SAMD12: variants seen among roughly 807,000 people sequenced by gnomAD.
The protein encoded by SAMD12 is sterile alpha motif domain containing 12, also known as sterile alpha motif domain-containing protein 12.
SAMD12 carries 9 observed loss-of-function variants against 15.0 expected under a neutral mutation model. The observed-to-expected ratio is 0.60, with a 90% CI of 0.36 to 1.05. The LOEUF is 1.05. SAMD12 is among the 50% of genes least tolerant of loss of function. The pLI is 0.01. For synonymous variants in SAMD12, 86 were observed against 90.1 expected, an observed-to-expected ratio of 0.96 and a Z score of 0.25; for missense variants, 230 against 234.2, an observed-to-expected ratio of 0.98 and a Z score of 0.12.
chr8:118,431,711 T>C (rs9643127), intron 3 of SAMD12, among the ~76,000 whole-genome samples: 56 of 151,098 alleles, frequency 3.7e-4, no homozygotes, highest in Non-Finnish European at 7.5e-4. Context: ...TGTGTGTGTG[T>C]GTGTGTGTGT....
At chr8:118,423,855 G>A (rs1424688304) in intron 3 of SAMD12, among the ~76,000 whole-genome samples, 9 of 151,982 alleles carry the variant, frequency 5.9e-5, no homozygotes, top group South Asian at 2.1e-4. Flanking sequence ...AACAATATAC[G>A]AAAAATACTT....
At chr8:118,432,611 C>G (rs555423588) in intron 3 of SAMD12, among the ~76,000 whole-genome samples, 2 of 152,076 alleles carry the variant, frequency 1.3e-5, no homozygotes, top group African/African-American at 2.4e-5. Flanking sequence ...TACAATAGAG[C>G]CTTATCCTAG....
At chr8:118,145,704 T>G in the SAMD12 span, among the ~76,000 whole-genome samples, 1 of 152,256 alleles carries the variant, frequency 6.6e-6, no homozygotes, top group Non-Finnish European at 1.5e-5. Flanking sequence ...AGATATGACA[T>G]CTGTCAAAGG....
At chr8:118,452,276 C>A (rs965215844) in intron 2 of SAMD12, among the ~76,000 whole-genome samples, 6 of 152,164 alleles carry the variant, frequency 3.9e-5, no homozygotes, top group Non-Finnish European at 7.3e-5. Context: ...AACACAGGAG[C>A]AAACTCCAGT....
chr8:118,589,030 A>G (rs1827517242), intron 1 of SAMD12, among the ~76,000 whole-genome samples: 1 of 152,256 alleles, frequency 6.6e-6, no homozygotes, highest in African/African-American at 2.4e-5. Context: ...AGGGTAATTC[A>G]GCAGCATTAA....
rs577880615 is a variant in SAMD12, at chr8:118,305,073, C to T, written c.433+74487G>A. Among the ~76,000 whole-genome samples, 14 of 137,736 alleles carry T rather than the reference C, an allele frequency of 1.0e-4. No homozygotes were observed. The East Asian group carries it at 1.6e-3, about 16-fold the overall frequency. 90.4% of individuals were successfully genotyped at this position (137,736 alleles called of 152,430 possible). ...CGGAGGCACAAAAATTGCTTGAACC[C>T]GGGAGGCGGAGGTTGCAGTGAGCCA... On this transcript the variant is annotated intron_variant, in intron 4 of 4. Transcript: ENST00000409003.
At chr8:118,149,337 G>A in the SAMD12 span, among the ~76,000 whole-genome samples, 13 of 152,300 alleles carry the variant, frequency 8.5e-5, 1 homozygote, top group African/African-American at 3.1e-4. Flanking sequence ...AGCCATTCTG[G>A]TAGATGTGAA....
chr8:118,214,772 T>C (rs1313481217), intron 4 of SAMD12, among the ~76,000 whole-genome samples: 1 of 152,262 alleles, frequency 6.6e-6, no homozygotes, highest in Non-Finnish European at 1.5e-5. Flanking sequence ...TTGTAATTCT[T>C]TCCCAGGACT....
chr8:118,189,107 T>C (rs980758515), downstream of SAMD12, among the ~76,000 whole-genome samples: 1 of 152,088 alleles, frequency 6.6e-6, no homozygotes, highest in African/African-American at 2.4e-5. Flanking sequence ...CCTAGTGTGT[T>C]TACCATGTCT....
At chr8:118,495,048 A>C (rs1824567044) in intron 2 of SAMD12, among the ~76,000 whole-genome samples, 1 of 152,198 alleles carries the variant, frequency 6.6e-6, no homozygotes, top group Non-Finnish European at 1.5e-5. Context: ...GAATCACATG[A>C]AAAAGTGCCC....
At chr8:118,372,738 G>A (rs751770646) in intron 4 of SAMD12, among the ~76,000 whole-genome samples, 13 of 151,892 alleles carry the variant, frequency 8.6e-5, no homozygotes, top group Admixed American at 7.2e-4. Context: ...GGTTATATTA[G>A]GTTGGTGCAA....
chr8:118,150,627 C>T, the SAMD12 span, among the ~76,000 whole-genome samples: 2 of 152,128 alleles, frequency 1.3e-5, no homozygotes, highest in Non-Finnish European at 2.9e-5. Flanking sequence ...CCTTGGCCTC[C>T]CAAAGTGCTG....
chr8:118,605,145 C>T (rs79163043), intron 1 of SAMD12, among the ~76,000 whole-genome samples: 1 of 152,084 alleles, frequency 6.6e-6, no homozygotes, highest in East Asian at 1.9e-4. Context: ...TAAGTGTTTT[C>T]TAAGTCTCTA....
intron 1 of SAMD12, among the ~76,000 whole-genome samples, chr8:118,583,543 C>G (rs1245414335): frequency 6.6e-6 from 1 of 152,054 alleles, no homozygotes; most frequent in East Asian, 1.9e-4. Flanking sequence ...CCTAGGAATA[C>G]CACTGAACTG....
chr8:118,392,177 C>A lies in SAMD12; in HGVS notation c.323-12477G>T, dbSNP rs570530533. Among the ~76,000 whole-genome samples, 28 of 152,296 alleles carry A rather than the reference C, an allele frequency of 1.8e-4. No individual in the cohort carries two copies. The South Asian group carries it at 5.6e-3, about 30-fold the overall frequency. On this transcript the variant is annotated intron_variant, in intron 3 of 3. Coordinates refer to ENST00000314727, the MANE Select transcript of SAMD12 (RefSeq NM_207506.3). ...GGCGCAGTGGCTCACGCCTGTAATC[C>A]CAGCACTTTGGGAGGCTGAGGCAGG... is the stretch of plus-strand genomic sequence containing the variant.
chr8:118,366,851 T>C (rs1177343876), intron 4 of SAMD12, among the ~76,000 whole-genome samples: 6 of 99,786 alleles, frequency 6.0e-5, no homozygotes, highest in East Asian at 5.2e-4. Flanking sequence ...TAAAATAAAA[T>C]AAAATAAAAT....
intron 4 of SAMD12, among the ~76,000 whole-genome samples, chr8:118,355,885 T>G (rs554825152): frequency 2.0e-5 from 3 of 152,202 alleles, no homozygotes; most frequent in Non-Finnish European, 4.4e-5. Context: ...AAATCTAGCA[T>G]GTGTCTGAAG....
At chr8:118,324,672 T>C (rs1816476503) in intron 4 of SAMD12, among the ~76,000 whole-genome samples, 1 of 152,134 alleles carries the variant, frequency 6.6e-6, no homozygotes, top group African/African-American at 2.4e-5. Context: ...GACATTTGAA[T>C]TGAAGTTAGA....
chr8:118,283,387 T>C (rs758230322), intron 4 of SAMD12, among the ~76,000 whole-genome samples: 30 of 152,170 alleles, frequency 2.0e-4, no homozygotes, highest in Admixed American at 1.0e-3. Context: ...AACAGATTCT[T>C]ATTTTCTAGG....
Sources: allele counts gnomAD v4.1 joint callset (sites outside exome capture counted in the v4.1 genomes callset), GRCh38; gene constraint gnomAD v4.1.1; transcripts MANE v1.5; gene names NCBI Gene and HGNC (gene_info 2026-07-23, HGNC 2026-07-21).